The following TACR1 variants were observed in gnomAD, a reference collection of about 807,000 sequenced individuals.
The protein encoded by TACR1 is tachykinin receptor 1.
A neutral mutation model predicts 35.8 loss-of-function variants in TACR1; 25 were observed. The observed-to-expected ratio is 0.70, with a 90% CI of 0.51 to 0.98. The LOEUF is 0.98. Among genes scored for constraint, TACR1 ranks in the 50% least tolerant of loss-of-function variants. The pLI is 0.00. For missense variants in TACR1, 478 were observed against 522.9 expected (o/e 0.91, Z 0.84); for synonymous variants, 195 against 206.7 (o/e 0.94, Z 0.48).
At chr2:75,067,488 C>T (rs1672787032) in intron 2 of TACR1, among the ~76,000 whole-genome samples, 1 of 152,150 alleles carries the variant, frequency 6.6e-6, no homozygotes, top group Non-Finnish European at 1.5e-5. Context: ...ATAGAAACGA[C>T]ATGGTCCCTG....
intron 2 of TACR1, among the ~76,000 whole-genome samples, chr2:75,111,869 A>C (rs1015110135): frequency 6.6e-6 from 1 of 152,076 alleles, no homozygotes; most frequent in East Asian, 1.9e-4. Flanking sequence ...TATGAGAGAG[A>C]GAGAGAGAAA....
intron 1 of TACR1, among the ~76,000 whole-genome samples, chr2:75,149,725 C>A (rs1278593243): frequency 6.6e-6 from 1 of 152,132 alleles, no homozygotes; most frequent in African/African-American, 2.4e-5. Context: ...CTTGAATACC[C>A]TTTATTTCTT....
rs1673776298 is a variant in TACR1, at chr2:75,112,770, C to T, written c.584+7804G>A. Among the ~76,000 whole-genome samples, 3 of 152,038 alleles carry T rather than the reference C, an allele frequency of 2.0e-5. No individual in the cohort carries two copies. The South Asian group carries it at 6.2e-4, about 32-fold the overall frequency. ...TTCTTGAGACAAATATATGATGCTC[C>T]CCTTTAACAATTTAATTTGAAGAAA... On this transcript the variant is annotated intron_variant, in intron 2 of 4. Transcript: ENST00000305249.
At chr2:75,116,878 C>G (rs1456141487) in intron 2 of TACR1, among the ~76,000 whole-genome samples, 1 of 151,986 alleles carries the variant, frequency 6.6e-6, no homozygotes, top group Non-Finnish European at 1.5e-5. Flanking sequence ...CCATTGCACT[C>G]CAGCCTGGGA....
intron 2 of TACR1, among the ~76,000 whole-genome samples, chr2:75,116,630 T>C (rs750314413): frequency 3.3e-5 from 5 of 152,124 alleles, no homozygotes; most frequent in Non-Finnish European, 7.3e-5. Flanking sequence ...TTTTCTGGGC[T>C]GGGCACGGTG....
chr2:75,163,380 C>G (rs1390243874), intron 1 of TACR1, among the ~76,000 whole-genome samples: 1 of 152,138 alleles, frequency 6.6e-6, no homozygotes, highest in Non-Finnish European at 1.5e-5. Flanking sequence ...AAATGTGAAT[C>G]AGTTCACAGC....
chr2:75,175,874 C>T (rs978181635), intron 1 of TACR1, among the ~76,000 whole-genome samples: 3 of 152,156 alleles, frequency 2.0e-5, no homozygotes, highest in Non-Finnish European at 4.4e-5. Flanking sequence ...ACTTTGAAAA[C>T]AGATATCCTG....
intron 1 of TACR1, among the ~76,000 whole-genome samples, chr2:75,170,396 C>A (rs1413877602): frequency 1.3e-5 from 2 of 152,208 alleles, no homozygotes; most frequent in African/African-American, 4.8e-5. Context: ...AATTAAACCT[C>A]TTTCCTTTAT....
chr2:75,179,289 T>C (rs561130853), intron 1 of TACR1, among the ~76,000 whole-genome samples: 35 of 152,300 alleles, frequency 2.3e-4, no homozygotes, highest in African/African-American at 8.4e-4. Flanking sequence ...TTTCAAAATG[T>C]CTCCCAAATC....
intron 1 of TACR1, among the ~76,000 whole-genome samples, chr2:75,196,388 G>C (rs1008389448): frequency 7.9e-5 from 12 of 152,164 alleles, no homozygotes; most frequent in Admixed American, 5.2e-4. Context: ...TGGAGACAGA[G>C]ACCTGAAGTC....
At chr2:75,087,844 C>G (rs1011245049) in intron 2 of TACR1, among the ~76,000 whole-genome samples, 1 of 152,228 alleles carries the variant, frequency 6.6e-6, no homozygotes, top group Non-Finnish European at 1.5e-5. Flanking sequence ...GTAGCAGGTT[C>G]AGGAGTCTCA....
intron 1 of TACR1, among the ~76,000 whole-genome samples, chr2:75,146,134 A>G (rs150316751): frequency 7.8e-4 from 118 of 152,026 alleles, no homozygotes; most frequent in Middle Eastern, 3.4e-3. Flanking sequence ...TTTTTTTTCT[A>G]TTTTTTCAGA....
intron 1 of TACR1, among the ~76,000 whole-genome samples, chr2:75,143,804 A>G (rs1674455275): frequency 6.6e-6 from 1 of 152,194 alleles, no homozygotes; most frequent in Non-Finnish European, 1.5e-5. Flanking sequence ...ACAGCATTGT[A>G]TTGCCTGATA....
intron 1 of TACR1, among the ~76,000 whole-genome samples, chr2:75,177,269 C>T (rs1432236277): frequency 6.6e-6 from 1 of 152,148 alleles, no homozygotes; most frequent in Non-Finnish European, 1.5e-5. Context: ...CCTTTTCACC[C>T]CTGGCTCATT....
intron 2 of TACR1, among the ~76,000 whole-genome samples, chr2:75,057,057 T>A (rs1573458448): frequency 6.6e-6 from 1 of 152,236 alleles, no homozygotes; most frequent in South Asian, 2.1e-4. Flanking sequence ...TGGCTTATAC[T>A]TGCAATGGAA....
At chr2:75,108,126 G>A (rs2103883559) in intron 2 of TACR1, among the ~76,000 whole-genome samples, 1 of 152,150 alleles carries the variant, frequency 6.6e-6, no homozygotes, top group African/African-American at 2.4e-5. Flanking sequence ...TTATGGGTAA[G>A]TTCCTTTGCT....
intron 2 of TACR1, among the ~76,000 whole-genome samples, chr2:75,096,147 C>T (rs1023652278): frequency 1.3e-5 from 2 of 152,220 alleles, no homozygotes; most frequent in Non-Finnish European, 2.9e-5. Flanking sequence ...CTTTTGGGCA[C>T]TGGGGAGAGC....
At chr2:75,091,370 T>A (rs1302370491) in intron 2 of TACR1, among the ~76,000 whole-genome samples, 1 of 152,020 alleles carries the variant, frequency 6.6e-6, no homozygotes, top group East Asian at 1.9e-4. Context: ...GATTTCACAT[T>A]CTAGGAGATT....
At chr2:75,123,054 G>C (rs966021231) in intron 1 of TACR1, among the ~76,000 whole-genome samples, 2 of 143,344 alleles carry the variant, frequency 1.4e-5, no homozygotes, top group African/African-American at 5.3e-5. Context: ...CATTATCGTT[G>C]CCGTCTTTCC....
Sources: gnomAD v4.1 joint callset for allele counts (sites outside exome capture counted in the v4.1 genomes callset) on GRCh38, gnomAD v4.1.1 for gene constraint, MANE v1.5 for transcripts, NCBI Gene and HGNC (gene_info 2026-07-23, HGNC 2026-07-21) for gene names.